Variants in TNN observed in about 807,000 individuals in gnomAD.
The protein encoded by TNN is tenascin-N.
TNN carries 122 observed loss-of-function variants against 134.4 expected under a neutral mutation model. The observed-to-expected ratio is 0.91, with a 90% CI of 0.78 to 1.06. The LOEUF (loss-of-function observed/expected upper bound fraction) is 1.06. Among genes scored for constraint, TNN ranks in the 50% least tolerant of loss-of-function variants. TNN has a pLI of 0.00. For synonymous variants in TNN, 710 were observed against 670.3 expected (o/e 1.06, Z -0.91); for missense variants, 1,739 against 1,699.4 (o/e 1.02, Z -0.41).
intron 6 of TNN, among the ~76,000 whole-genome samples, chr1:175,086,003 C>G (rs1017167915): frequency 6.6e-6 from 1 of 152,100 alleles, no homozygotes; most frequent in Middle Eastern, 3.2e-3. Context: ...TTTTTCTTGC[C>G]ATTGAAAATC....
At chr1:175,126,870 G>A (rs1675541555) in intron 12 of TNN, 85 bp from the exon 13 acceptor site, 2 of 1,460,260 alleles carry the variant, frequency 1.4e-6, no homozygotes, top group Admixed American at 2.2e-5. Flanking sequence ...GGTTTGAAAA[G>A]GGGAAAATAT....
chr1:175,141,692 C>A (rs1558376728), intron 17 of TNN, among the ~76,000 whole-genome samples: 1 of 152,138 alleles, frequency 6.6e-6, no homozygotes, highest in Non-Finnish European at 1.5e-5. Context: ...GCCATCTTTC[C>A]CAACCTGGTG....
chr1:175,132,469 G>A (rs370061248), intron 15 of TNN, among the ~76,000 whole-genome samples: 1 of 152,198 alleles, frequency 6.6e-6, no homozygotes. Context: ...GAAGGAAATA[G>A]GGCATTTTTA....
At chr1:175,141,344 C>A (rs4633248) in intron 17 of TNN, among the ~76,000 whole-genome samples, 9 of 151,918 alleles carry the variant, frequency 5.9e-5, no homozygotes, top group African/African-American at 2.2e-4. Context: ...CAGCTGATTT[C>A]GAGTCCCACC....
chr1:175,136,227 AG>A (rs1235040126), intron 16 of TNN, among the ~76,000 whole-genome samples: 2 of 152,158 alleles, frequency 1.3e-5, no homozygotes, highest in Non-Finnish European at 2.9e-5. Flanking sequence ...GTAGAAAAAA[AG>A]TTCAGTGATT....
intron 11 of TNN, among the ~76,000 whole-genome samples, chr1:175,121,340 C>T (rs1339620877): frequency 6.6e-6 from 1 of 152,072 alleles, no homozygotes; most frequent in East Asian, 1.9e-4. Context: ...GGAATAGTAC[C>T]TGGGATGGTT....
Position 175,080,389 on chromosome 1 carries a change from A to G in TNN, c.1011A>G (p.Glu337=), listed in dbSNP as rs1016612399. ...TCACCCTGCGTAACGTCAAGAATGAAGTTTCTAGCAGCCCACAGCATCTAC... is the reference window on the plus strand; with the variant it reads ...TCACCCTGCGTAACGTCAAGAATGAGGTTTCTAGCAGCCCACAGCATCTAC... The part of the protein sequence containing the change: ...YIVTLRNVKN[E]VSSSPQHLLA... Residue 337 remains glutamate (E), a synonymous_variant, in exon 4 of 19, where the codon GAA becomes GAG. Coordinates refer to ENST00000239462, the MANE Select transcript of TNN (RefSeq NM_022093.2). 2 of 1,614,064 alleles carry G rather than the reference A, an allele frequency of 1.2e-6. No homozygotes were observed. The highest frequency in any genetic ancestry group is 1.7e-6 in the Non-Finnish European group (2 of 1,179,974).
intron 1 of TNN, among the ~76,000 whole-genome samples, chr1:175,074,870 A>C (rs1674001902): frequency 6.6e-6 from 1 of 152,274 alleles, no homozygotes; most frequent in Non-Finnish European, 1.5e-5. Flanking sequence ...ATATTGGCAC[A>C]GAGCAAGCAT....
intron 10 of TNN, 29 bp from the exon 11 acceptor site, chr1:175,118,532 T>G (rs780334346): frequency 6.2e-7 from 1 of 1,610,796 alleles, no homozygotes; most frequent in Non-Finnish European, 8.5e-7. Flanking sequence ...CTGTTCATAG[T>G]GCATATTGGT....
chr1:175,137,534 CCT>C (rs1481551181), intron 17 of TNN, among the ~76,000 whole-genome samples: 1 of 152,172 alleles, frequency 6.6e-6, no homozygotes, highest in Non-Finnish European at 1.5e-5. Flanking sequence ...AGTGAAGGAA[CCT>C]TTAGCCTCTA....
At position 175,117,014 on chromosome 1, in the gene TNN, G is replaced by C. The variant is rs747472521; in HGVS notation, c.2195G>C (p.Arg732Pro). 6.2e-7 allele frequency: 1 copy of C among 1,614,196 alleles called. No individual in the cohort carries two copies. Among genetic ancestry groups the C allele is most frequent in the South Asian group, 1.1e-5 (1 of 91,084 alleles). ...GCCACTGTCTCCTGGGACCCGGTGCGGGCCACCATTGACAGGTATGTGGTG... is the reference window on the plus strand; with the variant it reads ...GCCACTGTCTCCTGGGACCCGGTGCCGGCCACCATTGACAGGTATGTGGTG... ...NMATVSWDPV[R>P]ATIDRYVVRY... Residue 732 changes from arginine to proline, a missense_variant, in exon 10 of 19, where the codon CGG (arginine) becomes CCG (proline). By Grantham distance (103) the Arg-to-Pro change is moderately radical. Coordinates refer to ENST00000239462, the MANE Select transcript of TNN (RefSeq NM_022093.2).
chr1:175,118,426 T>G, intron 10 of TNN, 135 bp from the exon 11 acceptor site: 1 of 1,117,832 alleles, frequency 8.9e-7, no homozygotes, highest in South Asian at 1.6e-5. Flanking sequence ...ATGAAACAGC[T>G]AAAAATGAAA....
At chr1:175,129,807 C>T (rs1357600773) in intron 15 of TNN, among the ~76,000 whole-genome samples, 1 of 152,104 alleles carries the variant, frequency 6.6e-6, no homozygotes, top group Non-Finnish European at 1.5e-5. Context: ...GAATGCATAG[C>T]CTGACTGGGG....
rs1558365767 is a variant in TNN at position 175,118,549 on chromosome 1, T to C, written c.2387-12T>C. ...GTTCATAGTGCATATTGGTCAGCAT[T>C]TTTTTTTTCAGACATTGACAGCCCC... On this transcript the variant is annotated splice_polypyrimidine_tract_variant and intron_variant, in intron 10 of 18. Coordinates refer to ENST00000239462, the MANE Select transcript of TNN (RefSeq NM_022093.2). The C allele has an allele frequency of 6.2e-7, 1 of 1,609,694 alleles. No individual in the cohort carries two copies. Among genetic ancestry groups the C allele is most frequent in the Middle Eastern group, 1.7e-4 (1 of 6,042 alleles).
chr1:175,126,104 C>T (rs79220012), intron 12 of TNN, among the ~76,000 whole-genome samples: 10 of 133,344 alleles, frequency 7.5e-5, no homozygotes, highest in East Asian at 4.3e-4. Context: ...TTGTTTCTTT[C>T]TTTTTTTTTT....
chr1:175,117,255 T>A (rs777450586), intron 10 of TNN, 50 bp downstream of exon 10: 1 of 1,594,920 alleles, frequency 6.3e-7, no homozygotes, highest in Admixed American at 1.9e-5. Context: ...GCTAAGTCAG[T>A]GGATGACAAG....
At chr1:175,086,816 G>A (rs984091443) in intron 6 of TNN, among the ~76,000 whole-genome samples, 2 of 152,210 alleles carry the variant, frequency 1.3e-5, no homozygotes, top group African/African-American at 4.8e-5. Flanking sequence ...CTGTTTTAAT[G>A]GGTTAGAAAA....
chr1:175,101,966 G>A (rs114874239), intron 9 of TNN, among the ~76,000 whole-genome samples: 1,402 of 140,024 alleles, frequency 0.01, 102 homozygotes, highest in African/African-American at 0.035. Flanking sequence ...GGTCCTCCAC[G>A]TCCTCATCAG....
Position 175,109,478 on chromosome 1 carries a change from C to T in TNN, c.2120-7461C>T, listed in dbSNP as rs1020793643. On this transcript the variant is annotated intron_variant, in intron 9 of 18. Transcript: ENST00000239462. The stretch of plus-strand genomic sequence containing the variant: ...AGCCTCTGGCAACCATCATTTTATT[C>T]GCAACTTCCAGGAGATCAATTTTTT... Among the ~76,000 whole-genome samples the T allele has an allele frequency of 5.3e-5, 8 of 152,134 alleles. No homozygotes were observed. In the South Asian group the frequency reaches 1.0e-3, roughly 20 times the overall value.
Sources: gnomAD v4.1 joint callset for allele counts (sites outside exome capture counted in the v4.1 genomes callset) on GRCh38, gnomAD v4.1.1 for gene constraint, MANE v1.5 for transcripts, NCBI Gene and HGNC (gene_info 2026-07-23, HGNC 2026-07-21) for gene names.